WWOX: variants seen among roughly 807,000 people sequenced by gnomAD.
WWOX encodes the protein WW domain containing oxidoreductase.
WWOX carries 69 observed loss-of-function variants against 46.2 expected under a neutral mutation model. That is an observed-to-expected ratio of 1.49 (90% CI 1.23 to 1.82). The LOEUF (loss-of-function observed/expected upper bound fraction) is 1.82. Among genes scored for constraint, WWOX ranks in the 40% most tolerant of loss-of-function variants. WWOX has a pLI of 0.00. For missense variants in WWOX, 919 were observed against 542.6 expected (o/e 1.69, Z -6.89); for synonymous variants, 359 against 202.6 (o/e 1.77, Z -6.56).
At position 79,212,190 on chromosome 16, in the gene WWOX, C is replaced by T. The variant is rs1016070497; in HGVS notation, c.*394C>T. 13 of 1,465,072 alleles carry T rather than the reference C, an allele frequency of 8.9e-6. No homozygotes were observed. Among genetic ancestry groups the T allele is most frequent in the East Asian group, 2.5e-5 (1 of 40,502 alleles). 90.8% of individuals were successfully genotyped at this position (1,465,072 alleles called of 1,614,324 possible). A position where few individuals can be genotyped will look rare whatever the true frequency, so the allele number is the denominator to read the frequency against. On this transcript the variant is annotated 3_prime_UTR_variant, in exon 9 of 9. Coordinates refer to ENST00000566780, the MANE Select transcript of WWOX (RefSeq NM_016373.4). The stretch of plus-strand genomic sequence containing the variant: ...GGCCACCACTGCAGCCGGGGGCTGG[C>T]CTTCTCCTACTTAGGGAAGAAAAAG...
intron 8 of WWOX, among the ~76,000 whole-genome samples, chr16:78,980,236 T>G (rs1420867536): frequency 6.6e-6 from 1 of 152,218 alleles, no homozygotes; most frequent in Non-Finnish European, 1.5e-5. Flanking sequence ...TTTTTAAATC[T>G]TTGCTGTGAA....
intron 8 of WWOX, among the ~76,000 whole-genome samples, chr16:78,992,470 A>T (rs1430643271): frequency 6.6e-6 from 1 of 152,124 alleles, no homozygotes; most frequent in South Asian, 2.1e-4. Context: ...CTATCTCAAA[A>T]AAACAAAACA....
At chr16:78,499,426 C>T (rs2085000691) in intron 8 of WWOX, among the ~76,000 whole-genome samples, 1 of 152,174 alleles carries the variant, frequency 6.6e-6, no homozygotes, top group Non-Finnish European at 1.5e-5. Flanking sequence ...GCTTGTATCC[C>T]ACCTGTTCAC....
intron 8 of WWOX, among the ~76,000 whole-genome samples, chr16:79,198,491 C>G (rs1440508941): frequency 1.3e-5 from 2 of 152,220 alleles, no homozygotes; most frequent in Non-Finnish European, 2.9e-5. Context: ...GCCCTGGCCT[C>G]CACTGCAGTT....
chr16:78,831,174 G>C (rs987687588), intron 8 of WWOX, among the ~76,000 whole-genome samples: 1 of 152,308 alleles, frequency 6.6e-6, no homozygotes, highest in Non-Finnish European at 1.5e-5. Context: ...GGGGGCTGAA[G>C]ACCCTGGCTG....
intron 5 of WWOX, among the ~76,000 whole-genome samples, chr16:78,269,671 G>A (rs1236974041): frequency 1.3e-5 from 2 of 152,144 alleles, no homozygotes; most frequent in Non-Finnish European, 2.9e-5. Flanking sequence ...GAATCAATTT[G>A]CTCCTCTAAT....
chr16:78,699,208 C>G (rs559490257), intron 8 of WWOX, among the ~76,000 whole-genome samples: 2 of 152,302 alleles, frequency 1.3e-5, no homozygotes, highest in East Asian at 3.9e-4. Context: ...TTCCCAACCT[C>G]TGCTTTGGAA....
chr16:78,395,434 A>T (rs541498653), intron 6 of WWOX, among the ~76,000 whole-genome samples: 3 of 152,270 alleles, frequency 2.0e-5, no homozygotes, highest in African/African-American at 7.2e-5. Context: ...AGTAAGGATC[A>T]CTTGAGCCAG....
In WWOX at chr16:78,432,744, A is replaced by T; in HGVS notation, c.1048A>T (p.Lys350Ter). 1 of 1,614,158 alleles carries T rather than the reference A, an allele frequency of 6.2e-7. No individual in the cohort carries two copies. The highest frequency in any genetic ancestry group is 8.5e-7 in the Non-Finnish European group (1 of 1,180,040). ...LLFTLARPFT[K>*]SMQQGAATTV... ...GTTTACCTTGGCGAGGCCTTTCACC[A>T]AGTCCATGGTAAGAGAACAGCTTCT... The change falls in exon 8 of 9, where the codon AAG (lysine) becomes TAG (stop). Residue 350 changes from lysine to a stop codon, truncating the protein, a stop_gained. Coordinates refer to ENST00000566780, the MANE Select transcript of WWOX (RefSeq NM_016373.4). LOFTEE classifies it high-confidence loss of function.
intron 8 of WWOX, among the ~76,000 whole-genome samples, chr16:79,052,953 T>C (rs2048196553): frequency 1.5e-5 from 2 of 134,100 alleles, no homozygotes; most frequent in Non-Finnish European, 3.1e-5. Context: ...CCTGGGAGTA[T>C]GTTTGTGTAT....
At chr16:78,249,982 C>T (rs1224279125) in intron 5 of WWOX, among the ~76,000 whole-genome samples, 8 of 152,158 alleles carry the variant, frequency 5.3e-5, no homozygotes, top group East Asian at 1.9e-4. Flanking sequence ...CCCCAGTGAG[C>T]GGCTGAACAC....
At chr16:79,109,286 C>A (rs1342977459) in intron 8 of WWOX, among the ~76,000 whole-genome samples, 4 of 152,144 alleles carry the variant, frequency 2.6e-5, no homozygotes, top group Non-Finnish European at 5.9e-5. Flanking sequence ...TGACACAGAT[C>A]CTTGTCTCCC....
chr16:78,425,719 C>G (rs1597217159), intron 7 of WWOX, among the ~76,000 whole-genome samples: 1 of 152,122 alleles, frequency 6.6e-6, no homozygotes, highest in Admixed American at 6.5e-5. Context: ...GAGAAGTACT[C>G]TGAAAAGACA....
chr16:78,882,505 C>G (rs1478733827), intron 8 of WWOX, among the ~76,000 whole-genome samples: 1 of 149,186 alleles, frequency 6.7e-6, no homozygotes, highest in Non-Finnish European at 1.5e-5. Context: ...GAGATGGGGT[C>G]TCACTCTGTC....
At chr16:78,259,825 A>G (rs570867832) in intron 5 of WWOX, among the ~76,000 whole-genome samples, 2 of 151,424 alleles carry the variant, frequency 1.3e-5, no homozygotes, top group East Asian at 3.9e-4. Flanking sequence ...TTGTAAAGGA[A>G]TATTTAAAGA....
intron 8 of WWOX, among the ~76,000 whole-genome samples, chr16:78,906,178 C>G (rs2044958837): frequency 1.3e-5 from 2 of 152,148 alleles, no homozygotes; most frequent in Non-Finnish European, 2.9e-5. Flanking sequence ...CTAGGGACAT[C>G]TGGGGCAGCA....
intron 8 of WWOX, among the ~76,000 whole-genome samples, chr16:79,107,479 A>T (rs902613116): frequency 5.9e-5 from 9 of 152,186 alleles, no homozygotes; most frequent in African/African-American, 2.2e-4. Context: ...AAAGAAATCT[A>T]CTCAGGGTCT....
intron 8 of WWOX, among the ~76,000 whole-genome samples, chr16:78,952,520 T>C (rs1451932639): frequency 3.9e-5 from 6 of 151,958 alleles, no homozygotes; most frequent in Non-Finnish European, 1.5e-5. Flanking sequence ...GTAGCTGGGA[T>C]TACAGGCATG....
intron 8 of WWOX, among the ~76,000 whole-genome samples, chr16:79,174,603 G>A (rs1011209351): frequency 2.5e-4 from 38 of 152,262 alleles, no homozygotes; most frequent in Non-Finnish European, 3.7e-4. Flanking sequence ...AGCCGAGATC[G>A]CACCATTGCA....
Sources: gnomAD v4.1 joint callset for allele counts (sites outside exome capture counted in the v4.1 genomes callset) on GRCh38, gnomAD v4.1.1 for gene constraint, MANE v1.5 for transcripts, NCBI Gene and HGNC (gene_info 2026-07-23, HGNC 2026-07-21) for gene names.